The following OPRM1 variants were observed in gnomAD, a reference collection of about 807,000 sequenced individuals.
The protein encoded by OPRM1 is opioid receptor mu 1.
Under a neutral mutation model 31.8 loss-of-function variants are expected in OPRM1, and 27 were observed. That is an observed-to-expected ratio of 0.85 (90% CI 0.63 to 1.17). The LOEUF (loss-of-function observed/expected upper bound fraction) is 1.17. Among genes scored for constraint, OPRM1 ranks in the 50% most tolerant of loss-of-function variants. OPRM1 has a pLI of 0.00. For missense variants in OPRM1, 536 were observed against 511.1 expected (o/e 1.05, Z -0.47); for synonymous variants, 196 against 189.9 (o/e 1.03, Z -0.26).
rs559811584 is a variant in OPRM1 at position 154,204,329 on chromosome 6, G to A, written c.1165-42364G>A. ...AATTAGGCAGAAGTGAGTCAGCATA[G>A]AAATCTTAAGGAGTCAAAGTACATG... On this transcript the variant is annotated intron_variant, in intron 3 of 3. Coordinates refer to the OPRM1 transcript ENST00000337049. 2.0e-5 allele frequency among the ~76,000 whole-genome samples: 3 copies of A among 152,202 alleles called. No homozygotes were observed. The East Asian group carries it at 5.8e-4, about 29-fold the overall frequency.
At chr6:154,240,856 G>T (rs80344340) in intron 3 of OPRM1, among the ~76,000 whole-genome samples, 2,206 of 152,260 alleles carry the variant, frequency 0.014, 56 homozygotes, top group African/African-American at 0.05. Flanking sequence ...ACATATTGGG[G>T]CCTCAAAGAA....
chr6:154,194,027 T>C (rs1422088102), intron 3 of OPRM1, among the ~76,000 whole-genome samples: 1 of 152,246 alleles, frequency 6.6e-6, no homozygotes, highest in Admixed American at 6.5e-5. Context: ...CAGGAATTTG[T>C]GACCATGAGC....
intron 3 of OPRM1, chr6:154,214,326 C>G: frequency 8.3e-7 from 1 of 1,199,454 alleles, no homozygotes; most frequent in East Asian, 2.3e-5. Context: ...TAGCCCCCCA[C>G]CCATTCACCT....
At chr6:154,060,979 A>T (rs1784280574) in intron 1 of OPRM1, among the ~76,000 whole-genome samples, 1 of 152,208 alleles carries the variant, frequency 6.6e-6, no homozygotes, top group South Asian at 2.1e-4. Flanking sequence ...CTGGTAATAA[A>T]ATATTGGCAA....
chr6:154,076,607 C>T (rs1787934495), intron 1 of OPRM1, among the ~76,000 whole-genome samples: 1 of 152,136 alleles, frequency 6.6e-6, no homozygotes, highest in African/African-American at 2.4e-5. Context: ...CCAAAATCTC[C>T]CCTGTAAGAA....
chr6:154,242,148 C>T (rs997760259), intron 3 of OPRM1, among the ~76,000 whole-genome samples: 2 of 152,142 alleles, frequency 1.3e-5, no homozygotes, highest in African/African-American at 4.8e-5. Context: ...TATTTTCATT[C>T]CTTTGTTCCC....
At chr6:154,038,084 A>G (rs1329795633), upstream of OPRM1, among the ~76,000 whole-genome samples, 1 of 152,152 alleles carries the variant, frequency 6.6e-6, no homozygotes, top group Non-Finnish European at 1.5e-5. Flanking sequence ...CATTGGCAAA[A>G]TAGCCTATGA....
chr6:154,015,223 G>A (rs1370462616), intron 1 of OPRM1, among the ~76,000 whole-genome samples: 1 of 152,010 alleles, frequency 6.6e-6, no homozygotes, highest in Non-Finnish European at 1.5e-5. Flanking sequence ...TATGGAGAGA[G>A]TGGCCAGTCT....
chr6:154,157,168 C>G (rs1798750111), intron 3 of OPRM1: 1 of 152,224 alleles, frequency 6.6e-6, no homozygotes, highest in African/African-American at 2.4e-5. Flanking sequence ...GAGAGAGAAG[C>G]CCATGTCTTC....
At chr6:154,065,544 C>T (rs1316420029) in intron 1 of OPRM1, among the ~76,000 whole-genome samples, 1 of 152,090 alleles carries the variant, frequency 6.6e-6, no homozygotes, top group Non-Finnish European at 1.5e-5. Flanking sequence ...AACTATTTTT[C>T]TAATTTTCTT....
At chr6:154,044,119 T>TAGAG (rs3836998) in intron 1 of OPRM1, among the ~76,000 whole-genome samples, 2 of 148,862 alleles carry the variant, frequency 1.3e-5, no homozygotes, top group Non-Finnish European at 3.0e-5. Flanking sequence ...GATAGATAGA[T>TAGAG]AGAGAGAGAG....
At chr6:154,133,937 C>G (rs536848746), downstream of OPRM1, among the ~76,000 whole-genome samples, 6 of 152,306 alleles carry the variant, frequency 3.9e-5, no homozygotes, top group South Asian at 8.3e-4. Context: ...CTGTTGTCCA[C>G]TGGAAATGGC....
intron 3 of OPRM1, among the ~76,000 whole-genome samples, chr6:154,246,117 G>T (rs1164748193): frequency 1.3e-5 from 2 of 152,126 alleles, no homozygotes; most frequent in East Asian, 1.9e-4. Context: ...AAGGTCGGGG[G>T]AAAGAAGGGG....
intron 3 of OPRM1, among the ~76,000 whole-genome samples, chr6:154,172,152 A>G (rs1185278679): frequency 1.3e-5 from 2 of 152,260 alleles, no homozygotes; most frequent in African/African-American, 4.8e-5. Flanking sequence ...ATGTCACAGT[A>G]AAAATTATTA....
chr6:154,166,896 T>C (rs1057043869), intron 3 of OPRM1, among the ~76,000 whole-genome samples: 2 of 152,246 alleles, frequency 1.3e-5, no homozygotes, highest in Admixed American at 6.5e-5. Flanking sequence ...ATAAAAATTT[T>C]AATATTAAAT....
Position 154,168,128 on chromosome 6 carries a change from A to G in OPRM1, c.1164+76656A>G, listed in dbSNP as rs202162275. On this transcript the variant is annotated intron_variant, in intron 3 of 3. Coordinates refer to the OPRM1 transcript ENST00000337049. This position sits in a 1 kb window ranked among gnomAD's most constrained non-coding sequence, Gnocchi z 4.1. ...TTTTGTCTCTTCTATTTGAAAAAAA[A>G]AAAGAAAGCAGTAACAATAAACCCA... 2.0e-6 allele frequency: 3 copies of G among 1,524,890 alleles called. No individual in the cohort carries two copies. The highest frequency in any genetic ancestry group is 2.6e-5 in the South Asian group (2 of 77,680). The allele number at this position is 1,524,890 out of a possible 1,614,324, so 94.5% of individuals were successfully genotyped here. A position where few individuals can be genotyped will look rare whatever the true frequency, so the allele number is the denominator to read the frequency against.
chr6:154,059,131 C>T (rs112220293), intron 1 of OPRM1, among the ~76,000 whole-genome samples: 107 of 152,270 alleles, frequency 7.0e-4, no homozygotes, highest in African/African-American at 2.4e-3. Flanking sequence ...AGCCTATTTT[C>T]CTTATTGATA....
At chr6:154,100,019 T>G (rs1032023253) in intron 3 of OPRM1, among the ~76,000 whole-genome samples, 7 of 104,600 alleles carry the variant, frequency 6.7e-5, no homozygotes, top group African/African-American at 2.3e-4. Context: ...ATATATATCA[T>G]AACATATTAT....
intron 1 of OPRM1, among the ~76,000 whole-genome samples, chr6:154,032,916 A>G (rs1303214582): frequency 2.0e-5 from 3 of 152,238 alleles, no homozygotes; most frequent in Admixed American, 6.5e-5. Flanking sequence ...TTAAGTGGAA[A>G]TGTCTACCAA....
Sources: allele counts gnomAD v4.1 joint callset (sites outside exome capture counted in the v4.1 genomes callset), GRCh38; gene constraint gnomAD v4.1.1; non-coding constraint Gnocchi (gnomAD v3.1); transcripts MANE v1.5; gene names NCBI Gene and HGNC (gene_info 2026-07-23, HGNC 2026-07-21).